DCT: variants seen among roughly 807,000 people sequenced by gnomAD.
The protein encoded by DCT is dopachrome tautomerase, also known as L-dopachrome tautomerase.
Under a neutral mutation model 53.0 loss-of-function variants are expected in DCT, and 47 were observed. The ratio of observed to expected loss-of-function variants is 0.89; its 90% CI spans 0.70 to 1.13. The LOEUF (loss-of-function observed/expected upper bound fraction) is 1.13. DCT is among the 50% of genes most tolerant of loss of function. The pLI, the probability that DCT is intolerant of heterozygous loss-of-function variation, is 0.00. For missense variants in DCT, 669 were observed against 637.4 expected (o/e 1.05, Z -0.53); for synonymous variants, 244 against 237.0 (o/e 1.03, Z -0.27).
At chr13:94,538,197 T>C in the DCT span, among the ~76,000 whole-genome samples, 1 of 152,348 alleles carries the variant, frequency 6.6e-6, no homozygotes, top group East Asian at 1.9e-4. Flanking sequence ...GTGGAGCTTG[T>C]AGAGAGTGCT....
rs1177825993 is a variant in DCT at position 94,438,554 on chromosome 13, G to A, written c.*1344C>T. ...CTTTACATTCATTCATTCCAGTAGA[G>A]AGGGGCCTCGACAGACAAGCCACGC... On this transcript the variant is annotated 3_prime_UTR_variant, in exon 8 of 8. Coordinates refer to ENST00000377028, the MANE Select transcript of DCT (RefSeq NM_001922.5). 2.2e-6 allele frequency: 1 copy of A among 455,350 alleles called. No individual in the cohort carries two copies. Among genetic ancestry groups the A allele is most frequent in the Non-Finnish European group, 4.4e-6 (1 of 226,598 alleles). The allele number at this position is 455,350 out of a possible 1,614,324, so 28.2% of individuals were successfully genotyped here.
At chr13:94,523,699 T>C in the DCT span, among the ~76,000 whole-genome samples, 1 of 152,144 alleles carries the variant, frequency 6.6e-6, no homozygotes, top group South Asian at 2.1e-4. Flanking sequence ...AGCAGCACCA[T>C]TCTGATCAGA....
the DCT span, among the ~76,000 whole-genome samples, chr13:94,501,277 A>T: frequency 2.0e-5 from 3 of 152,172 alleles, no homozygotes; most frequent in East Asian, 5.8e-4. Context: ...TCAAATAAAT[A>T]AATAAATTAA....
At chr13:94,542,137 T>C in the DCT span, among the ~76,000 whole-genome samples, 2 of 152,182 alleles carry the variant, frequency 1.3e-5, no homozygotes, top group Admixed American at 1.3e-4. Flanking sequence ...TGTGTTACTA[T>C]ACAAGCACTT....
intron 6 of DCT, among the ~76,000 whole-genome samples, chr13:94,443,991 T>C: frequency 6.6e-6 from 1 of 152,198 alleles, no homozygotes; most frequent in Non-Finnish European, 1.5e-5. Context: ...CTTCAACATA[T>C]ATGTGTTAAT....
intron 4 of DCT, among the ~76,000 whole-genome samples, chr13:94,464,093 T>C (rs1308174720): frequency 6.6e-6 from 1 of 152,168 alleles, no homozygotes; most frequent in African/African-American, 2.4e-5. Flanking sequence ...TGGCGCTTGA[T>C]GGAATTAAGC....
At chr13:94,452,458 T>C in intron 6 of DCT, 1 of 590,752 alleles carries the variant, frequency 1.7e-6, no homozygotes, top group Non-Finnish European at 3.0e-6. Context: ...GAGGGAATGA[T>C]GGGGGAACTG....
rs1408293361 is a variant in DCT, at chr13:94,439,382, G to T, written c.*516C>A. 6.6e-6 allele frequency: 1 copy of T among 152,296 alleles called. No homozygotes were observed. Among genetic ancestry groups the T allele is most frequent in the African/African-American group, 2.4e-5 (1 of 41,432 alleles). The allele number at this position is 152,296 out of a possible 1,614,324, so 9.4% of individuals were successfully genotyped here. ...GCCCAAGGAAGATAATCAGGAGGGT[G>T]CCTAGAAGCAGAGATGTTTATAGCT... On this transcript the variant is annotated 3_prime_UTR_variant, in exon 8 of 8. Coordinates refer to ENST00000377028, the MANE Select transcript of DCT (RefSeq NM_001922.5).
At chr13:94,532,163 T>C in the DCT span, among the ~76,000 whole-genome samples, 2 of 152,140 alleles carry the variant, frequency 1.3e-5, no homozygotes, top group African/African-American at 4.8e-5. Context: ...TGCGGAGAAA[T>C]AGGAACGCAT....
At chr13:94,523,465 C>G in the DCT span, among the ~76,000 whole-genome samples, 1 of 152,198 alleles carries the variant, frequency 6.6e-6, no homozygotes, top group African/African-American at 2.4e-5. Context: ...GATGCACCAT[C>G]TAGTCTTGCA....
chr13:94,465,047 C>T (rs928307672), intron 4 of DCT, among the ~76,000 whole-genome samples: 7 of 152,196 alleles, frequency 4.6e-5, no homozygotes, highest in Non-Finnish European at 1.0e-4. Context: ...GTGCCCCTCC[C>T]CTTCTCAGAG....
At chr13:94,499,896 A>C in the DCT span, among the ~76,000 whole-genome samples, 6 of 152,178 alleles carry the variant, frequency 3.9e-5, no homozygotes, top group Admixed American at 3.3e-4. Context: ...ATAACTGACA[A>C]ACAAATATTG....
At chr13:94,460,717 G>T (rs1190033637) in intron 5 of DCT, among the ~76,000 whole-genome samples, 1 of 152,006 alleles carries the variant, frequency 6.6e-6, no homozygotes, top group Non-Finnish European at 1.5e-5. Context: ...CCATGATTGT[G>T]CCACTGCACT....
the DCT span, among the ~76,000 whole-genome samples, chr13:94,548,048 T>C: frequency 1.3e-5 from 2 of 148,710 alleles, no homozygotes; most frequent in Non-Finnish European, 3.0e-5. Flanking sequence ...CCTTTTCTGG[T>C]GAGCCAGACA....
At chr13:94,537,814 T>C in the DCT span, among the ~76,000 whole-genome samples, 2 of 152,166 alleles carry the variant, frequency 1.3e-5, no homozygotes, top group Non-Finnish European at 2.9e-5. Flanking sequence ...GGAAAAGGAA[T>C]AAGAACGTCA....
intron 6 of DCT, among the ~76,000 whole-genome samples, chr13:94,449,220 C>T (rs1016605612): frequency 1.3e-5 from 2 of 152,132 alleles, no homozygotes; most frequent in Non-Finnish European, 2.9e-5. Flanking sequence ...ATTGCACCTG[C>T]AGGCATAAAG....
chr13:94,493,406 A>G, the DCT span, among the ~76,000 whole-genome samples: 1 of 152,188 alleles, frequency 6.6e-6, no homozygotes, highest in African/African-American at 2.4e-5. Context: ...CAGAGGACAG[A>G]GTGGTAGGTA....
chr13:94,477,817 A>G (rs1009154219), intron 1 of DCT, among the ~76,000 whole-genome samples: 2 of 152,198 alleles, frequency 1.3e-5, no homozygotes, highest in African/African-American at 4.8e-5. Flanking sequence ...TTTTAAAAGG[A>G]AAAAGTCTTC....
At chr13:94,524,966 C>T in the DCT span, among the ~76,000 whole-genome samples, 2 of 152,098 alleles carry the variant, frequency 1.3e-5, no homozygotes, top group East Asian at 1.9e-4. Flanking sequence ...CAGATAATGC[C>T]TCTACACTCC....
Sources: gnomAD v4.1 joint callset for allele counts (sites outside exome capture counted in the v4.1 genomes callset) on GRCh38, gnomAD v4.1.1 for gene constraint, MANE v1.5 for transcripts, NCBI Gene and HGNC (gene_info 2026-07-23, HGNC 2026-07-21) for gene names.